Variants in WDR72 observed in about 807,000 individuals in gnomAD.
The protein encoded by WDR72 is WD repeat domain 72.
In WDR72, 120 loss-of-function variants were observed where a neutral mutation model predicts 124.2. The ratio of observed to expected loss-of-function variants is 0.97; its 90% CI spans 0.83 to 1.12. The LOEUF (loss-of-function observed/expected upper bound fraction) is 1.12, where lower values mean the gene tolerates loss of function less well. WDR72 is among the 50% of genes most tolerant of loss of function. WDR72 has a pLI of 0.00. For missense variants in WDR72, 1,387 were observed against 1,278.8 expected, an observed-to-expected ratio of 1.08 and a Z score of -1.29; for synonymous variants, 452 against 441.7, an observed-to-expected ratio of 1.02 and a Z score of -0.29.
chr15:53,733,318 T>C (rs1198853030), intron 1 of WDR72, 157 bp from the exon 2 acceptor site: 2 of 756,056 alleles, frequency 2.6e-6, no homozygotes, highest in African/African-American at 3.5e-5. Context: ...GAAGAGAAAG[T>C]AGTCATCAGA....
intron 17 of WDR72, among the ~76,000 whole-genome samples, chr15:53,603,145 G>A (rs1273278872): frequency 1.3e-5 from 2 of 151,816 alleles, no homozygotes; most frequent in Non-Finnish European, 2.9e-5. Context: ...CACCATGATC[G>A]AGTATGCTTG....
Position 53,635,532 on chromosome 15 carries a change from G to A in WDR72, c.1963-19289C>T, listed in dbSNP as rs542985775. Among the ~76,000 whole-genome samples the A allele has an allele frequency of 7.9e-4, 120 of 152,202 alleles. 1 individual carries two copies. The highest frequency in any genetic ancestry group is 1.5e-3 in the Non-Finnish European group (103 of 68,010). ...AAATCACTACAAGAGTGACTTAGTG[G>A]AGTTTCAAATGCTGCTGTTAAGTGG... is the stretch of plus-strand genomic sequence containing the variant. On this transcript the variant is annotated intron_variant, in intron 14 of 19. Transcript: ENST00000360509.
intron 18 of WDR72, among the ~76,000 whole-genome samples, chr15:53,523,643 CAATT>C (rs1255229837): frequency 6.6e-6 from 1 of 151,952 alleles, no homozygotes; most frequent in African/African-American, 2.4e-5. Context: ...ACAATATAGT[CAATT>C]AACAGCAATA....
chr15:53,744,618 CAA>C (rs2018597573), intron 1 of WDR72, among the ~76,000 whole-genome samples: 1 of 152,202 alleles, frequency 6.6e-6, no homozygotes, highest in Non-Finnish European at 1.5e-5. Context: ...GGACACTTTG[CAA>C]AACTGTACAT....
chr15:53,634,110 A>C (rs933131911), intron 14 of WDR72, among the ~76,000 whole-genome samples: 1 of 152,264 alleles, frequency 6.6e-6, no homozygotes, highest in Non-Finnish European at 1.5e-5. Context: ...TTAAAAATAC[A>C]TCACAATGTA....
intron 13 of WDR72, among the ~76,000 whole-genome samples, chr15:53,688,712 T>C (rs2016732891): frequency 6.6e-6 from 1 of 152,080 alleles, no homozygotes; most frequent in Non-Finnish European, 1.5e-5. Context: ...TGGAAAAAAC[T>C]ACTTTAAAGT....
intron 18 of WDR72, among the ~76,000 whole-genome samples, chr15:53,556,089 T>C (rs1893922148): frequency 6.6e-6 from 1 of 152,122 alleles, no homozygotes; most frequent in Non-Finnish European, 1.5e-5. Context: ...CATTTATCTA[T>C]GGAGAAAACA....
Position 53,699,812 on chromosome 15 carries a change from A to T in WDR72, c.1703T>A (p.Val568Asp). 1 of 1,614,106 alleles carries T rather than the reference A, an allele frequency of 6.2e-7. No homozygotes were observed. The highest frequency in any genetic ancestry group is 8.5e-7 in the Non-Finnish European group (1 of 1,180,006). Residue 568 changes from valine (V) to aspartate (D), a missense_variant, in exon 13 of 20, where the codon GTT becomes GAT. Val to Asp is a radical substitution (Grantham distance 152). Transcript: ENST00000360509. ...FPVRMIKWHP[V>D]ENFLIVGCAD... ...ACATCCAACAATTAAAAAATTCTCA[A>T]CCGGGTGCCATTTTATCATCCTCAC...
chr15:53,672,916 G>T (rs1034862881), intron 13 of WDR72, among the ~76,000 whole-genome samples: 6 of 152,094 alleles, frequency 3.9e-5, no homozygotes, highest in Admixed American at 2.0e-4. Flanking sequence ...AATCCCTTGG[G>T]CTCAGGAGTT....
intron 18 of WDR72, among the ~76,000 whole-genome samples, chr15:53,554,434 G>A (rs577797831): frequency 6.6e-6 from 1 of 152,234 alleles, no homozygotes; most frequent in East Asian, 1.9e-4. Context: ...GGCAGCCAAA[G>A]CTGGTTCAGT....
intron 18 of WDR72, among the ~76,000 whole-genome samples, chr15:53,531,950 A>C (rs931035883): frequency 1.3e-5 from 2 of 152,130 alleles, no homozygotes; most frequent in Non-Finnish European, 2.9e-5. Flanking sequence ...TTAGTTATAG[A>C]AAACAATCGT....
chr15:53,660,805 G>T, intron 14 of WDR72, among the ~76,000 whole-genome samples: 1 of 152,082 alleles, frequency 6.6e-6, no homozygotes, highest in East Asian at 1.9e-4. Flanking sequence ...ATGAGTTCCC[G>T]GTTTCTGTCA....
chr15:53,716,454 G>T (rs1324574585), intron 4 of WDR72, among the ~76,000 whole-genome samples, 153 bp downstream of exon 4: 1 of 152,164 alleles, frequency 6.6e-6, no homozygotes, highest in Non-Finnish European at 1.5e-5. Flanking sequence ...TGCCAAAACA[G>T]CAGACAATTA....
intron 18 of WDR72, among the ~76,000 whole-genome samples, chr15:53,562,134 T>C (rs1242912816): frequency 6.6e-6 from 1 of 151,784 alleles, no homozygotes; most frequent in Non-Finnish European, 1.5e-5. Flanking sequence ...ACAAGCAAAC[T>C]GAGACCAGGA....
chr15:53,752,941 T>C (rs2018809826), intron 1 of WDR72, among the ~76,000 whole-genome samples: 1 of 152,036 alleles, frequency 6.6e-6, no homozygotes, highest in Non-Finnish European at 1.5e-5. Context: ...AAATGAAAGA[T>C]GAAAAAACAC....
At chr15:53,731,343 C>T (rs1046362583) in intron 2 of WDR72, among the ~76,000 whole-genome samples, 3 of 152,018 alleles carry the variant, frequency 2.0e-5, no homozygotes, top group Non-Finnish European at 4.4e-5. Flanking sequence ...AACTTTGCTT[C>T]TTCCACTCTC....
At chr15:53,724,639 C>T (rs1166444438) in intron 2 of WDR72, among the ~76,000 whole-genome samples, 1 of 152,132 alleles carries the variant, frequency 6.6e-6, no homozygotes, top group Non-Finnish European at 1.5e-5. Flanking sequence ...AGAAAATCAC[C>T]CCCATGATCC....
chr15:53,697,518 T>C (rs1386576528), intron 13 of WDR72, among the ~76,000 whole-genome samples: 1 of 152,198 alleles, frequency 6.6e-6, no homozygotes. Flanking sequence ...AACAATGTTT[T>C]CTCCTCTTTT....
intron 14 of WDR72, among the ~76,000 whole-genome samples, chr15:53,653,021 T>C (rs961062447): frequency 7.7e-6 from 1 of 129,798 alleles, no homozygotes; most frequent in African/African-American, 2.5e-5. Flanking sequence ...TTTTGCTAGG[T>C]CACTATCCTC....
Sources: gnomAD v4.1 joint callset for allele counts (sites outside exome capture counted in the v4.1 genomes callset) on GRCh38, gnomAD v4.1.1 for gene constraint, MANE v1.5 for transcripts, NCBI Gene and HGNC (gene_info 2026-07-23, HGNC 2026-07-21) for gene names.